The following FA2H variants were observed in gnomAD, a reference collection of about 807,000 sequenced individuals.
FA2H encodes the protein fatty acid 2-hydroxylase.
Under a neutral mutation model 44.9 loss-of-function variants are expected in FA2H, and 22 were observed. The ratio of observed to expected loss-of-function variants is 0.49; its 90% CI spans 0.35 to 0.70. FA2H has a LOEUF of 0.70. FA2H is among the 30% of genes least tolerant of loss of function. The pLI is 0.01. For synonymous variants in FA2H, 243 were observed against 213.2 expected, an observed-to-expected ratio of 1.14 and a Z score of -1.22; for missense variants, 501 against 504.9, an observed-to-expected ratio of 0.99 and a Z score of 0.07.
chr16:74,757,127 T>G (rs1158287777), intron 1 of FA2H, among the ~76,000 whole-genome samples: 1 of 151,706 alleles, frequency 6.6e-6, no homozygotes, highest in Non-Finnish European at 1.5e-5. Flanking sequence ...GCTAATACCC[T>G]TTACCTCTAA....
At position 74,718,292 on chromosome 16, in the gene FA2H, CAG is replaced by C. The variant is rs558386529; in HGVS notation, c.786+694_786+695del. On this transcript the variant is annotated intron_variant, in intron 5 of 6. Transcript: ENST00000219368. ...TCTCTGATTTATGCCCAGCAGAGAA[CAG>C]AGTGTGGAGACGGGCTGGGGAACAG... 2.9e-3 allele frequency among the ~76,000 whole-genome samples: 438 copies of C among 152,304 alleles called. 2 individuals carry two copies. The highest frequency in any genetic ancestry group is 9.8e-3 in the Admixed American group (150 of 15,290).
At position 74,774,661 on chromosome 16, in the gene FA2H, C is replaced by T; in HGVS notation, c.95G>A (p.Arg32His). Residue 32 changes from arginine to histidine, a missense_variant, in exon 1 of 7, where the codon CGC becomes CAC. Physicochemically the swap from Arg to His is conservative, Grantham distance 29. Coordinates refer to ENST00000219368, the MANE Select transcript of FA2H (RefSeq NM_024306.5). ...AGACWVRRGA[R>H]LYDLSSFVRH... Reference sequence around the variant, plus strand: ...CACGAAGCTGGAGAGGTCGTAGAGGCGGGCCCCGCGGCGGACCCAGCACGC... The same window carrying T: ...CACGAAGCTGGAGAGGTCGTAGAGGTGGGCCCCGCGGCGGACCCAGCACGC... 1 of 1,437,790 alleles carries T rather than the reference C, an allele frequency of 7.0e-7. No individual in the cohort carries two copies. Among genetic ancestry groups the T allele is most frequent in the Non-Finnish European group, 9.1e-7 (1 of 1,098,722 alleles). 89.1% of individuals were successfully genotyped at this position (1,437,790 alleles called of 1,614,324 possible). A position where few individuals can be genotyped will look rare whatever the true frequency, so the allele number is the denominator to read the frequency against.
intron 2 of FA2H, among the ~76,000 whole-genome samples, chr16:74,732,444 CTTTTTT>C (rs202152909): frequency 1.7e-4 from 25 of 148,384 alleles, no homozygotes; most frequent in Middle Eastern, 6.9e-3. Context: ...TTTTCTTTTT[CTTTTTT>C]TTTTAAGATT....
At chr16:74,716,196 G>A (rs918078582) in intron 6 of FA2H, 151 bp downstream of exon 6, 20 of 776,504 alleles carry the variant, frequency 2.6e-5, no homozygotes, top group Non-Finnish European at 3.9e-5. Flanking sequence ...TCTCTGCACA[G>A]CTGTCTGCAC....
chr16:74,767,555 T>A (rs1163329995), intron 1 of FA2H, among the ~76,000 whole-genome samples: 1 of 152,022 alleles, frequency 6.6e-6, no homozygotes, highest in African/African-American at 2.4e-5. Context: ...TACTTCTAAG[T>A]GGAAGATGGA....
Position 74,718,906 on chromosome 16 carries a change from G to A in FA2H, c.786+82C>T, listed in dbSNP as rs971696331. ...CACAGCCAGACTCCCAGGAGGCTCC[G>A]CAGCACCTGAAGCTGCGGCTGGCTG... On this transcript the variant is annotated intron_variant, in intron 5 of 6. Transcript: ENST00000219368. 3.6e-5 allele frequency: 54 copies of A among 1,518,148 alleles called. No homozygotes were observed. In the African/African-American group the frequency reaches 3.7e-4, roughly 10 times the overall value. The allele number at this position is 1,518,148 out of a possible 1,614,324, so 94.0% of individuals were successfully genotyped here. A position where few individuals can be genotyped will look rare whatever the true frequency, so the allele number is the denominator to read the frequency against.
At chr16:74,750,120 C>A (rs1962502069) in intron 1 of FA2H, among the ~76,000 whole-genome samples, 2 of 152,188 alleles carry the variant, frequency 1.3e-5, no homozygotes, top group Admixed American at 6.5e-5. Context: ...TAAAACATGT[C>A]CTTTTGCAGA....
chr16:74,760,261 G>A (rs528771247), intron 1 of FA2H, among the ~76,000 whole-genome samples: 2 of 152,292 alleles, frequency 1.3e-5, no homozygotes, highest in East Asian at 3.9e-4. Flanking sequence ...GGAGCATGCT[G>A]GGAGCCACAA....
chr16:74,716,844 G>A (rs113223277), intron 5 of FA2H: 12 of 525,118 alleles, frequency 2.3e-5, no homozygotes, highest in Middle Eastern at 5.2e-4. Flanking sequence ...TGGGATGGGC[G>A]GGATGGGCAG....
At position 74,774,668 on chromosome 16, in the gene FA2H, C is replaced by G; in HGVS notation, c.88G>C (p.Gly30Arg). Residue 30 changes from glycine (G) to arginine (R), a missense_variant, in exon 1 of 7, where the codon GGG becomes CGG. Gly to Arg is a moderately radical substitution (Grantham distance 125, BLOSUM62 -2). Transcript: ENST00000219368. ...LAAGACWVRRGARLYDLSSFV... is the reference protein window; with the variant it reads ...LAAGACWVRRRARLYDLSSFV... ...CTGGAGAGGTCGTAGAGGCGGGCCC[C>G]GCGGCGGACCCAGCACGCGCCGGCC... 6 of 1,432,006 alleles carry G rather than the reference C, an allele frequency of 4.2e-6. No homozygotes were observed. In the Admixed American group the frequency reaches 1.3e-4, roughly 31 times the overall value. The allele number at this position is 1,432,006 out of a possible 1,614,324, so 88.7% of individuals were successfully genotyped here.
In FA2H at chr16:74,714,070, G is replaced by A; in HGVS notation, c.*120C>T. 3 of 686,462 alleles carry A rather than the reference G, an allele frequency of 4.4e-6. No individual in the cohort carries two copies. Among genetic ancestry groups the A allele is most frequent in the Admixed American group, 4.2e-5 (2 of 47,598 alleles). 42.5% of individuals were successfully genotyped at this position (686,462 alleles called of 1,614,324 possible). ...CTCAGCACCTTCCACTAGGCTGCAG[G>A]GCCGGACACAGCCCATCCTGCCTGG... On this transcript the variant is annotated 3_prime_UTR_variant, in exon 7 of 7. Transcript: ENST00000219368.
intron 1 of FA2H, among the ~76,000 whole-genome samples, chr16:74,771,597 A>C (rs1477157159): frequency 6.6e-6 from 1 of 151,352 alleles, no homozygotes; most frequent in East Asian, 2.0e-4. Context: ...TACCCTCCCA[A>C]ATTCCTGGGA....
At chr16:74,772,238 C>G (rs959687459) in intron 1 of FA2H, among the ~76,000 whole-genome samples, 23 of 152,214 alleles carry the variant, frequency 1.5e-4, no homozygotes, top group Non-Finnish European at 5.9e-5. Context: ...AGAGCCTTCA[C>G]ACGTGCTGTT....
intron 2 of FA2H, among the ~76,000 whole-genome samples, chr16:74,729,183 G>C (rs1341575112): frequency 6.6e-6 from 1 of 151,956 alleles, no homozygotes; most frequent in Admixed American, 6.6e-5. Flanking sequence ...CTAATTTTTT[G>C]TATTTTAGTA....
intron 1 of FA2H, among the ~76,000 whole-genome samples, chr16:74,742,229 G>C (rs962567447): frequency 6.6e-6 from 1 of 152,172 alleles, no homozygotes; most frequent in Non-Finnish European, 1.5e-5. Context: ...CTGGCTGTGG[G>C]GGCGAAGCCC....
chr16:74,749,752 C>A (rs1268438617), intron 1 of FA2H, among the ~76,000 whole-genome samples: 1 of 152,192 alleles, frequency 6.6e-6, no homozygotes, highest in Admixed American at 6.5e-5. Context: ...TAACTCCATT[C>A]TTTACCAAAT....
At position 74,726,209 on chromosome 16, in the gene FA2H, A is replaced by C. The variant is rs1270310923; in HGVS notation, c.613+16T>G. On this transcript the variant is annotated intron_variant, in intron 4 of 6. Coordinates refer to ENST00000219368, the MANE Select transcript of FA2H (RefSeq NM_024306.5). ...CTAGGATCCTCAGGGCAAGTCAGGA[A>C]AGAAACTGGCATTACCTGTTGTAAA... 6.3e-7 allele frequency: 1 copy of C among 1,582,666 alleles called. No homozygotes were observed. The highest frequency in any genetic ancestry group is 8.7e-7 in the Non-Finnish European group (1 of 1,152,002).
At chr16:74,739,113 C>T (rs1195574153) in intron 2 of FA2H, among the ~76,000 whole-genome samples, 6 of 152,280 alleles carry the variant, frequency 3.9e-5, no homozygotes, top group African/African-American at 9.6e-5. Context: ...GTTCCTTGGG[C>T]GAGCATCCCA....
At chr16:74,718,061 G>A (rs1322485171) in intron 5 of FA2H, among the ~76,000 whole-genome samples, 5 of 152,140 alleles carry the variant, frequency 3.3e-5, no homozygotes, top group Non-Finnish European at 7.4e-5. Context: ...AAGCCCCCTA[G>A]GATGCAGATC....
Sources: allele counts gnomAD v4.1 joint callset (sites outside exome capture counted in the v4.1 genomes callset), GRCh38; gene constraint gnomAD v4.1.1; transcripts MANE v1.5; gene names NCBI Gene and HGNC (gene_info 2026-07-23, HGNC 2026-07-21).